Variants in PRRC2C observed in about 807,000 individuals in gnomAD.
PRRC2C encodes the protein protein PRRC2C.
In PRRC2C, 72 loss-of-function variants were observed where a neutral mutation model predicts 317.2. The ratio of observed to expected loss-of-function variants is 0.23; its 90% CI spans 0.19 to 0.28. PRRC2C has a LOEUF of 0.28. Among genes scored for constraint, PRRC2C ranks in the 10% least tolerant of loss-of-function variants. The pLI is 1.00. For synonymous variants in PRRC2C, 1,296 were observed against 1,205.9 expected (o/e 1.07, Z -1.55); for missense variants, 3,074 against 3,459.7 (o/e 0.89, Z 2.80).
chr1:171,502,451 A>G (rs971571172), intron 1 of PRRC2C, among the ~76,000 whole-genome samples: 1 of 152,096 alleles, frequency 6.6e-6, no homozygotes, highest in Non-Finnish European at 1.5e-5. Flanking sequence ...CTTTTCAGAG[A>G]GGTCTTCTGG....
chr1:171,499,518 C>T (rs548597311), intron 1 of PRRC2C, among the ~76,000 whole-genome samples: 4 of 152,232 alleles, frequency 2.6e-5, no homozygotes, highest in East Asian at 1.9e-4. Context: ...GGGCCGGGCA[C>T]GGTGGCTCAC....
rs1428608625 is a variant in PRRC2C, at chr1:171,541,059, G to C, written c.3593G>C (p.Arg1198Thr). ...CGAGGCCGAGGTGAATATTACTCCAGAGGTCGAAGCTATAGAGGTTCTTAT... is the reference window on the plus strand; with the variant it reads ...CGAGGCCGAGGTGAATATTACTCCACAGGTCGAAGCTATAGAGGTTCTTAT... ...RGRGRGEYYSRGRSYRGSYGG... is the reference protein window; with the variant it reads ...RGRGRGEYYSTGRSYRGSYGG... Residue 1198 changes from arginine to threonine, a missense_variant, in exon 16 of 35, where the codon AGA becomes ACA. Coordinates refer to ENST00000647382, the MANE Select transcript of PRRC2C (RefSeq NM_001387844.1). The surrounding 1 kb of genome is among the most constrained non-coding windows in gnomAD (Gnocchi z 4.1). 1 of 1,613,044 alleles carries C rather than the reference G, an allele frequency of 6.2e-7. No individual in the cohort carries two copies. The highest frequency in any genetic ancestry group is 8.5e-7 in the Non-Finnish European group (1 of 1,179,636).
In PRRC2C at chr1:171,541,774, A is replaced by T. The variant is rs776985447; in HGVS notation, c.4308A>T (p.Pro1436=). The T allele has an allele frequency of 6.2e-7, 1 of 1,614,048 alleles. No homozygotes were observed. Among genetic ancestry groups the T allele is most frequent in the Non-Finnish European group, 8.5e-7 (1 of 1,179,886 alleles). ...CTCGACCACCAAGGCAAGACAAGCC[A>T]CCTCGATTTAGACGGCTAAGAGAGA... is the stretch of plus-strand genomic sequence containing the variant. ...RPTRPPRQDK[P]PRFRRLRERE... Residue 1436 remains proline (P), a synonymous_variant, in exon 16 of 35, where the codon CCA becomes CCT. Coordinates refer to ENST00000647382, the MANE Select transcript of PRRC2C (RefSeq NM_001387844.1). The surrounding 1 kb of genome is among the most constrained non-coding windows in gnomAD (Gnocchi z 4.1).
intron 1 of PRRC2C, among the ~76,000 whole-genome samples, chr1:171,500,376 C>T (rs779587528): frequency 2.0e-5 from 3 of 152,110 alleles, no homozygotes; most frequent in Non-Finnish European, 2.9e-5. Context: ...CTTTTTTCTT[C>T]CAGATTTTCT....
At chr1:171,548,234 G>A (rs892429690) in intron 17 of PRRC2C, among the ~76,000 whole-genome samples, 2 of 152,194 alleles carry the variant, frequency 1.3e-5, no homozygotes, top group African/African-American at 4.8e-5. Flanking sequence ...CTCCCAAAGT[G>A]CTGGGATTAC....
chr1:171,569,464 A>AAGG (rs1183173194), intron 23 of PRRC2C, among the ~76,000 whole-genome samples: 2 of 150,722 alleles, frequency 1.3e-5, no homozygotes, highest in Non-Finnish European at 3.0e-5. Context: ...AAGGAATAGA[A>AAGG]AGGAGTGAGT....
chr1:171,566,763 A>C lies in PRRC2C; in HGVS notation c.6478A>C (p.Thr2160Pro), dbSNP rs774615118. 3 of 1,613,738 alleles carry C rather than the reference A, an allele frequency of 1.9e-6. No individual in the cohort carries two copies. The highest frequency in any genetic ancestry group is 2.5e-6 in the Non-Finnish European group (3 of 1,179,846). The change falls in exon 22 of 35, where the codon ACT (threonine) becomes CCT (proline). Residue 2160 changes from threonine to proline, a missense_variant. Thr to Pro is a conservative substitution (Grantham distance 38). Transcript: ENST00000647382. ...CACAGATCCTGTCACGACAAAGGAG[A>C]CTAAAGCAGTCTCAGAAATGTCTAC... ...RSTDPVTTKETKAVSEMSTEI... is the reference protein window; with the variant it reads ...RSTDPVTTKEPKAVSEMSTEI...
chr1:171,591,616 C>T lies in PRRC2C; in HGVS notation c.8466C>T (p.Ser2822=). ...AGCAGAGAGCAGAGGTTCTTCAGTCCACGCAACGGTTCTTCTCTGAACAGC... is the reference window on the plus strand; with the variant it reads ...AGCAGAGAGCAGAGGTTCTTCAGTCTACGCAACGGTTCTTCTCTGAACAGC... ...KAKQRAEVLQ[S]TQRFFSEQQQ... Residue 2822 remains serine, a synonymous_variant, in exon 35 of 35, where the codon TCC becomes TCT. Transcript: ENST00000647382. 6.2e-7 allele frequency: 1 copy of T among 1,613,746 alleles called. No individual in the cohort carries two copies. The highest frequency in any genetic ancestry group is 2.2e-5 in the East Asian group (1 of 44,876).
chr1:171,537,964 G>A (rs71637419), intron 15 of PRRC2C, among the ~76,000 whole-genome samples: 23,898 of 151,804 alleles, frequency 0.16, 1,921 homozygotes, highest in Middle Eastern at 0.29. Context: ...GCAGTGGCGC[G>A]ATCTCAGCTC....
intron 30 of PRRC2C, among the ~76,000 whole-genome samples, chr1:171,586,404 C>CTTGTG (rs1364568016): frequency 1.3e-5 from 2 of 150,962 alleles, no homozygotes; most frequent in African/African-American, 2.4e-5. Flanking sequence ...GTGTCAAATT[C>CTTGTG]TCTACTTGTG....
chr1:171,591,223 T>C (rs1651336677), intron 34 of PRRC2C: 4 of 1,011,168 alleles, frequency 4.0e-6, no homozygotes, highest in Middle Eastern at 1.0e-3. Flanking sequence ...ACAATATAAG[T>C]GCTTCCTTTT....
In PRRC2C at chr1:171,550,865, C is replaced by T. The variant is rs550305333; in HGVS notation, c.5127+625C>T. 9.9e-5 allele frequency among the ~76,000 whole-genome samples: 15 copies of T among 152,230 alleles called. No individual in the cohort carries two copies. The South Asian group carries it at 2.5e-3, about 25-fold the overall frequency. On this transcript the variant is annotated intron_variant, in intron 18 of 34. Coordinates refer to ENST00000647382, the MANE Select transcript of PRRC2C (RefSeq NM_001387844.1). ...GCCACATTTTCTTAATCCAGTCTATCATTGATGGACATTTGGATTGGTTCC... is the reference window on the plus strand; with the variant it reads ...GCCACATTTTCTTAATCCAGTCTATTATTGATGGACATTTGGATTGGTTCC...
chr1:171,492,998 C>G (rs892284906), intron 1 of PRRC2C, among the ~76,000 whole-genome samples: 3 of 151,984 alleles, frequency 2.0e-5, no homozygotes, highest in Non-Finnish European at 2.9e-5. Context: ...ATCCACCTGC[C>G]TCGCCCTCCC....
intron 28 of PRRC2C, among the ~76,000 whole-genome samples, chr1:171,580,464 A>G (rs887501868): frequency 2.6e-5 from 4 of 152,224 alleles, no homozygotes; most frequent in African/African-American, 7.2e-5. Context: ...ACTCAGATGC[A>G]CTGTAAGTTA....
intron 23 of PRRC2C, among the ~76,000 whole-genome samples, chr1:171,571,023 A>G (rs1374144817): frequency 6.6e-6 from 1 of 152,208 alleles, no homozygotes; most frequent in Non-Finnish European, 1.5e-5. Context: ...ATTTATGTAC[A>G]TATTAAAATA....
Position 171,514,655 on chromosome 1 carries a change from C to CATTA in PRRC2C, c.400+11_400+14dup. 2 of 1,550,782 alleles carry CATTA rather than the reference C, an allele frequency of 1.3e-6. No homozygotes were observed. Among genetic ancestry groups the CATTA allele is most frequent in the African/African-American group, 2.7e-5 (2 of 73,034 alleles). The stretch of plus-strand genomic sequence containing the variant: ...GGTGGGCAAGGAGATGGTAAGTGGA[C>CATTA]ATTAGTTGGGGAAGCTGCCTAGGCT... On this transcript the variant is annotated intron_variant, in intron 4 of 34. Coordinates refer to ENST00000647382, the MANE Select transcript of PRRC2C (RefSeq NM_001387844.1).
chr1:171,556,483 A>C (rs1311648534), intron 18 of PRRC2C, among the ~76,000 whole-genome samples: 1 of 152,192 alleles, frequency 6.6e-6, no homozygotes, highest in Non-Finnish European at 1.5e-5. Context: ...TTGGAAGTGC[A>C]GAAATCACCC....
intron 10 of PRRC2C, among the ~76,000 whole-genome samples, chr1:171,526,599 A>G (rs1210412693): frequency 2.0e-5 from 3 of 151,938 alleles, no homozygotes; most frequent in African/African-American, 7.2e-5. Context: ...CAGCCTCCCA[A>G]AGTGCTGGGA....
chr1:171,562,280 A>G (rs1229919573), intron 20 of PRRC2C, among the ~76,000 whole-genome samples: 1 of 152,148 alleles, frequency 6.6e-6, no homozygotes, highest in Non-Finnish European at 1.5e-5. Flanking sequence ...ATGTAGCTGG[A>G]ATGAAGTAAG....
Sources: allele counts gnomAD v4.1 joint callset (sites outside exome capture counted in the v4.1 genomes callset), GRCh38; gene constraint gnomAD v4.1.1; non-coding constraint Gnocchi (gnomAD v3.1); transcripts MANE v1.5; gene names NCBI Gene and HGNC (gene_info 2026-07-23, HGNC 2026-07-21).